CMSS1: variants seen among roughly 807,000 people sequenced by gnomAD.
CMSS1 encodes the protein cms1 ribosomal small subunit homolog, also known as protein CMSS1.
In CMSS1, 33 loss-of-function variants were observed where a neutral mutation model predicts 43.5. The observed-to-expected ratio is 0.76, with a 90% CI of 0.57 to 1.01. The LOEUF is 1.01. Ranked by LOEUF, CMSS1 falls within the 50% of genes least tolerant of loss-of-function variation. CMSS1 has a pLI of 0.00. For synonymous variants in CMSS1, 115 were observed against 117.2 expected (o/e 0.98, Z 0.12); for missense variants, 313 against 326.4 (o/e 0.96, Z 0.32).
chr3:100,054,150 T>G (rs1415131561), intron 1 of CMSS1, among the ~76,000 whole-genome samples: 1 of 152,214 alleles, frequency 6.6e-6, no homozygotes, highest in Non-Finnish European at 1.5e-5. Flanking sequence ...AGTGTTTAAA[T>G]CCCTTCCTTA....
chr3:100,158,269 C>T (rs1331608961), intron 2 of CMSS1, among the ~76,000 whole-genome samples: 1 of 152,048 alleles, frequency 6.6e-6, no homozygotes, highest in Admixed American at 6.6e-5. Flanking sequence ...CCCTTAAAAG[C>T]AACATTTTTT....
intron 1 of CMSS1, among the ~76,000 whole-genome samples, chr3:99,893,713 A>T (rs772408378): frequency 5.3e-5 from 8 of 152,220 alleles, no homozygotes; most frequent in Non-Finnish European, 8.8e-5. Flanking sequence ...CAAATCATTT[A>T]TACTCTACAG....
intron 1 of CMSS1, among the ~76,000 whole-genome samples, chr3:99,925,141 G>A (rs535178752): frequency 6.6e-6 from 1 of 152,184 alleles, no homozygotes; most frequent in South Asian, 2.1e-4. Context: ...CTCTTGGATC[G>A]CTCTACCAGG....
intron 1 of CMSS1, among the ~76,000 whole-genome samples, chr3:99,918,028 A>G (rs1707007036): frequency 6.6e-6 from 1 of 152,022 alleles, no homozygotes; most frequent in Admixed American, 6.6e-5. Flanking sequence ...CCCAGGCTGG[A>G]GTGCAGTGGC....
At chr3:99,908,925 G>A (rs1235129943) in intron 1 of CMSS1, among the ~76,000 whole-genome samples, 1 of 151,888 alleles carries the variant, frequency 6.6e-6, no homozygotes, top group Admixed American at 6.6e-5. Flanking sequence ...TAGCTTCAGG[G>A]ATTTAGTTAA....
At chr3:100,178,270 C>T (rs1264453883) in intron 9 of CMSS1, 35 bp from the exon 10 acceptor site, 17 of 1,418,266 alleles carry the variant, frequency 1.2e-5, no homozygotes, top group Non-Finnish European at 1.7e-5. Context: ...TTGGCTTGAT[C>T]TTAATCTTTT....
chr3:99,862,165 T>C (rs759974693), intron 1 of CMSS1, among the ~76,000 whole-genome samples: 11 of 152,180 alleles, frequency 7.2e-5, no homozygotes, highest in Non-Finnish European at 1.3e-4. Context: ...TATCTAGATA[T>C]ATAAAAACAT....
intron 1 of CMSS1, among the ~76,000 whole-genome samples, chr3:100,067,438 T>C (rs1284554095): frequency 6.6e-6 from 1 of 152,216 alleles, no homozygotes; most frequent in East Asian, 1.9e-4. Context: ...GTTGAATCCC[T>C]GGCTCCAATT....
In CMSS1 at chr3:100,025,724, AT is replaced by A. The variant is rs541519609; in HGVS notation, c.65-121245del. ...CCAGGCACTTTATTCTAAGCCAGTGATTTTCATGTAAGTGAAGCTAAATAAT... is the reference window on the plus strand; with the variant it reads ...CCAGGCACTTTATTCTAAGCCAGTGATTTCATGTAAGTGAAGCTAAATAAT... On this transcript the variant is annotated intron_variant, in intron 1 of 9. Coordinates refer to ENST00000421999, the MANE Select transcript of CMSS1 (RefSeq NM_032359.4). Among the ~76,000 whole-genome samples the A allele has an allele frequency of 2.4e-3, 364 of 152,220 alleles. 1 individual carries two copies. Among genetic ancestry groups the A allele is most frequent in the African/African-American group, 8.3e-3 (343 of 41,542 alleles).
At chr3:99,885,104 A>G (rs977439142) in intron 1 of CMSS1, among the ~76,000 whole-genome samples, 2 of 152,252 alleles carry the variant, frequency 1.3e-5, no homozygotes, top group African/African-American at 2.4e-5. Context: ...TTGACAAAAC[A>G]TAAGTTAAAA....
intron 1 of CMSS1, among the ~76,000 whole-genome samples, chr3:100,098,379 T>G (rs2066247962): frequency 6.6e-6 from 1 of 152,208 alleles, no homozygotes; most frequent in African/African-American, 2.4e-5. Context: ...GTTACTGAAC[T>G]TCTCTCAGGC....
chr3:100,081,721 C>T (rs1408911707), intron 1 of CMSS1, among the ~76,000 whole-genome samples: 1 of 152,148 alleles, frequency 6.6e-6, no homozygotes, highest in African/African-American at 2.4e-5. Flanking sequence ...GTAAATGTTA[C>T]AATGATACAT....
chr3:99,973,834 T>G (rs1004555394), intron 1 of CMSS1, among the ~76,000 whole-genome samples: 1 of 152,176 alleles, frequency 6.6e-6, no homozygotes, highest in Non-Finnish European at 1.5e-5. Context: ...GCCTGGTGTT[T>G]GTTGTTGGTG....
At chr3:100,055,426 A>G (rs982199407) in intron 1 of CMSS1, among the ~76,000 whole-genome samples, 1 of 152,212 alleles carries the variant, frequency 6.6e-6, no homozygotes, top group Non-Finnish European at 1.5e-5. Flanking sequence ...AGGACATGTT[A>G]TCACACTGTG....
chr3:100,037,959 G>C (rs1211885747), intron 1 of CMSS1, among the ~76,000 whole-genome samples: 4 of 92,422 alleles, frequency 4.3e-5, no homozygotes, highest in African/African-American at 8.0e-5. Context: ...TTTTTTTTGG[G>C]GGGGGAGGGA....
chr3:99,983,403 T>A (rs1277064176), intron 1 of CMSS1, among the ~76,000 whole-genome samples: 13 of 109,402 alleles, frequency 1.2e-4, no homozygotes, highest in African/African-American at 5.0e-4. Flanking sequence ...TATATATATA[T>A]ATATATATAT....
chr3:99,836,031 A>C (rs1942883157), intron 1 of CMSS1, among the ~76,000 whole-genome samples: 1 of 152,218 alleles, frequency 6.6e-6, no homozygotes, highest in Admixed American at 6.5e-5. Flanking sequence ...ATGAAACGAA[A>C]GATGAAGGCC....
chr3:100,133,976 G>A (rs1328841817), intron 1 of CMSS1, among the ~76,000 whole-genome samples: 1 of 152,184 alleles, frequency 6.6e-6, no homozygotes, highest in East Asian at 1.9e-4. Flanking sequence ...TAGTATAATA[G>A]GTAGTTGAAG....
chr3:100,147,181 ACTTT>A, intron 2 of CMSS1, 120 bp downstream of exon 2: 1 of 1,058,120 alleles, frequency 9.5e-7, no homozygotes, highest in Non-Finnish European at 1.3e-6. Flanking sequence ...AGAGCCTTTT[ACTTT>A]CTTTCCCTTT....
Sources: gnomAD v4.1 joint callset for allele counts (sites outside exome capture counted in the v4.1 genomes callset) on GRCh38, gnomAD v4.1.1 for gene constraint, MANE v1.5 for transcripts, NCBI Gene and HGNC (gene_info 2026-07-23, HGNC 2026-07-21) for gene names.